SYNE1: variants seen among roughly 807,000 people sequenced by gnomAD.
The protein encoded by SYNE1 is nesprin-1.
In SYNE1, 616 loss-of-function variants were observed where a neutral mutation model predicts 1,111.0. The ratio of observed to expected loss-of-function variants is 0.55; its 90% CI spans 0.52 to 0.59. The LOEUF (loss-of-function observed/expected upper bound fraction) is 0.59. SYNE1 is among the 20% of genes least tolerant of loss of function. The probability of loss-of-function intolerance (pLI) is 0.00; values close to 1 mark genes in which losing one functional copy is unlikely to be tolerated. For synonymous variants in SYNE1, 3,855 were observed against 3,825.8 expected, an observed-to-expected ratio of 1.01 and a Z score of -0.28; for missense variants, 10,006 against 10,417.0, an observed-to-expected ratio of 0.96 and a Z score of 1.72.
intron 32 of SYNE1, among the ~76,000 whole-genome samples, chr6:152,438,626 T>C (rs751212011): frequency 7.2e-5 from 11 of 152,208 alleles, no homozygotes; most frequent in Non-Finnish European, 1.3e-4. Flanking sequence ...CACATCTCTC[T>C]GAATTTTCCT....
At chr6:152,503,452 A>G (rs1401074534) in intron 9 of SYNE1, among the ~76,000 whole-genome samples, 1 of 152,198 alleles carries the variant, frequency 6.6e-6, no homozygotes, top group Non-Finnish European at 1.5e-5. Flanking sequence ...CAGGCAAATA[A>G]ATTCATACAG....
At chr6:152,443,533 G>C (rs904983644) in intron 30 of SYNE1, among the ~76,000 whole-genome samples, 12 of 152,110 alleles carry the variant, frequency 7.9e-5, no homozygotes, top group Non-Finnish European at 5.9e-5. Context: ...CAAAGTGCTG[G>C]GATTACAGGC....
intron 72 of SYNE1, among the ~76,000 whole-genome samples, chr6:152,348,799 T>C (rs1457504334): frequency 1.3e-5 from 2 of 151,616 alleles, no homozygotes; most frequent in Non-Finnish European, 2.9e-5. Flanking sequence ...CAATCCAACA[T>C]AGGGTAGCCT....
intron 14 of SYNE1, chr6:152,478,617 A>C (rs2098849722): frequency 6.6e-6 from 1 of 152,290 alleles, no homozygotes; most frequent in Non-Finnish European, 1.5e-5. Flanking sequence ...TTCTTTTCTG[A>C]TTGCTTCTAT....
chr6:152,390,697 A>G (rs1305471016), intron 52 of SYNE1, among the ~76,000 whole-genome samples: 1 of 152,200 alleles, frequency 6.6e-6, no homozygotes, highest in Non-Finnish European at 1.5e-5. Flanking sequence ...TAGAAAGTAT[A>G]ATTTTATTGA....
At chr6:152,607,211 C>T (rs2099618145) in intron 3 of SYNE1, among the ~76,000 whole-genome samples, 1 of 151,712 alleles carries the variant, frequency 6.6e-6, no homozygotes, top group Admixed American at 6.6e-5. Context: ...GTTTCCATCT[C>T]CTGAGCTTTT....
chr6:152,561,208 T>C (rs1252693253), intron 3 of SYNE1, among the ~76,000 whole-genome samples: 3 of 152,234 alleles, frequency 2.0e-5, no homozygotes, highest in African/African-American at 7.2e-5. Context: ...CTGATAAATT[T>C]AGTTAAGTTA....
chr6:152,428,978 A>T (rs2098401665), intron 36 of SYNE1, among the ~76,000 whole-genome samples: 1 of 151,960 alleles, frequency 6.6e-6, no homozygotes, highest in Non-Finnish European at 1.5e-5. Flanking sequence ...ATACGTATTT[A>T]AAAACCCTAT....
chr6:152,430,746 G>A (rs751846629), intron 34 of SYNE1, 37 bp from the exon 35 acceptor site: 11 of 1,574,364 alleles, frequency 7.0e-6, no homozygotes, highest in Admixed American at 3.3e-5. Context: ...AATGTAGGCT[G>A]AGCAAGCTTG....
chr6:152,181,640 C>A (rs1376926723), intron 128 of SYNE1, among the ~76,000 whole-genome samples: 3 of 152,208 alleles, frequency 2.0e-5, no homozygotes, highest in African/African-American at 7.2e-5. Context: ...TGTATCAATA[C>A]TTCATTCCCT....
rs200412220 is a variant in SYNE1, at chr6:152,465,268, T to C, written c.1922A>G (p.Asn641Ser). The change falls in exon 18 of 146, where the codon AAT (asparagine) becomes AGT (serine). Residue 641 changes from asparagine (N) to serine (S), a missense_variant. Physicochemically the swap from Asn to Ser is conservative, Grantham distance 46. Around this residue, in one of 7 missense-constraint regions of SYNE1, gnomAD observed 1,971 missense variants for 2,084.1 expected, o/e 0.95. Transcript: ENST00000367255. ...ATGAACCAATCTTACCTTTTTGGCA[T>C]TTTCTGATTGATTGAGCATTTTTTC... Reference protein sequence around the residue: ...DAEKMLNQSENAKKDFFRNLP... With the variant: ...DAEKMLNQSESAKKDFFRNLP... The C allele has an allele frequency of 5.6e-6, 9 of 1,613,650 alleles. No individual in the cohort carries two copies. Among genetic ancestry groups the C allele is most frequent in the Middle Eastern group, 3.3e-4 (2 of 6,060 alleles).
At chr6:152,457,783 C>T (rs886968364) in intron 22 of SYNE1, among the ~76,000 whole-genome samples, 2 of 151,760 alleles carry the variant, frequency 1.3e-5, no homozygotes, top group Admixed American at 6.6e-5. Flanking sequence ...AAAGAAGGCA[C>T]GTATGCCTTT....
chr6:152,573,229 C>T (rs542999600), intron 3 of SYNE1, among the ~76,000 whole-genome samples: 9 of 151,646 alleles, frequency 5.9e-5, no homozygotes, highest in South Asian at 4.2e-4. Context: ...ATGTGCACAA[C>T]GTGCAGGTTT....
intron 8 of SYNE1, among the ~76,000 whole-genome samples, chr6:152,505,691 G>A (rs532852470): frequency 3.9e-5 from 6 of 152,230 alleles, no homozygotes; most frequent in South Asian, 2.1e-4. Context: ...ACAGTCCTCC[G>A]CTCTACCAGC....
rs956758136 is a variant in SYNE1 at position 152,234,042 on chromosome 6, T to C, written c.20530-79A>G. The C allele has an allele frequency of 2.3e-5, 33 of 1,437,910 alleles. No homozygotes were observed. In the Admixed American group the frequency reaches 5.6e-4, roughly 24 times the overall value. The allele number at this position is 1,437,910 out of a possible 1,614,324, so 89.1% of individuals were successfully genotyped here. On this transcript the variant is annotated intron_variant, in intron 111 of 145. Coordinates refer to ENST00000367255, the MANE Select transcript of SYNE1 (RefSeq NM_182961.4). ...AAAGGAAAGCGACCAATTTAGTGCA[T>C]GAAACAATTTCCTTTACATCCTGGA...
chr6:152,161,218 AT>A (rs1220922657), intron 131 of SYNE1, among the ~76,000 whole-genome samples: 3 of 146,996 alleles, frequency 2.0e-5, no homozygotes, highest in African/African-American at 7.5e-5. Context: ...TATAAAATAT[AT>A]TTTTACATTA....
At chr6:152,311,799 G>A (rs773563503) in intron 87 of SYNE1, among the ~76,000 whole-genome samples, 11 of 149,212 alleles carry the variant, frequency 7.4e-5, no homozygotes, top group Non-Finnish European at 1.0e-4. Context: ...TTTTTGAGAC[G>A]GAGTCTCGCT....
Position 152,399,974 on chromosome 6 carries a change from C to A in SYNE1, c.7030-151G>T, listed in dbSNP as rs1447608821. On this transcript the variant is annotated intron_variant, in intron 47 of 145. Transcript: ENST00000367255. ...TTTGGTGCGTTTTTGAGTACTTGTA[C>A]TAGATCTGTACTGATTCTTTCAGAA... The A allele has an allele frequency of 3.3e-6, 3 of 899,936 alleles. No individual in the cohort carries two copies. In the African/African-American group the frequency reaches 5.0e-5, roughly 15 times the overall value. 55.7% of individuals were successfully genotyped at this position (899,936 alleles called of 1,614,324 possible). A position where few individuals can be genotyped will look rare whatever the true frequency, so the allele number is the denominator to read the frequency against.
intron 84 of SYNE1, among the ~76,000 whole-genome samples, chr6:152,319,297 G>A (rs2095813689): frequency 6.6e-6 from 1 of 152,214 alleles, no homozygotes; most frequent in Non-Finnish European, 1.5e-5. Context: ...ATAGATGGTT[G>A]TGTAGACAGC....
Sources: allele counts gnomAD v4.1 joint callset (sites outside exome capture counted in the v4.1 genomes callset), GRCh38; gene constraint gnomAD v4.1.1; regional missense constraint gnomAD v4.1.1; transcripts MANE v1.5; gene names NCBI Gene and HGNC (gene_info 2026-07-23, HGNC 2026-07-21).